Variants in RUNDC3B observed in about 807,000 individuals in gnomAD.
The protein encoded by RUNDC3B is RUN domain containing 3B, also known as RUN domain-containing protein 3B.
Under a neutral mutation model 58.4 loss-of-function variants are expected in RUNDC3B, and 33 were observed. That is an observed-to-expected ratio of 0.56 (90% CI 0.43 to 0.75). The LOEUF (loss-of-function observed/expected upper bound fraction) is 0.75. RUNDC3B is among the 30% of genes least tolerant of loss of function. The probability of loss-of-function intolerance (pLI) is 0.00; values close to 1 mark genes in which losing one functional copy is unlikely to be tolerated. For synonymous variants in RUNDC3B, 193 were observed against 195.2 expected, an observed-to-expected ratio of 0.99 and a Z score of 0.10; for missense variants, 501 against 535.7, an observed-to-expected ratio of 0.94 and a Z score of 0.64.
intron 2 of RUNDC3B, among the ~76,000 whole-genome samples, chr7:87,686,887 A>G (rs1827516381): frequency 6.6e-6 from 1 of 151,294 alleles, no homozygotes. Flanking sequence ...CCAAGGCTGC[A>G]GTGAGCCATG....
chr7:87,650,117 C>G (rs1302137046), intron 1 of RUNDC3B, among the ~76,000 whole-genome samples: 6 of 152,158 alleles, frequency 3.9e-5, no homozygotes, highest in Non-Finnish European at 8.8e-5. Context: ...CAGAAACTCT[C>G]AAAAGCATTT....
At chr7:87,701,207 AAAG>A (rs1363866188) in intron 3 of RUNDC3B, among the ~76,000 whole-genome samples, 1 of 152,230 alleles carries the variant, frequency 6.6e-6, no homozygotes, top group Non-Finnish European at 1.5e-5. Flanking sequence ...ATTTTACTGA[AAAG>A]AAAAACTTAT....
chr7:87,642,315 T>C (rs958329702), intron 1 of RUNDC3B, among the ~76,000 whole-genome samples: 1 of 152,208 alleles, frequency 6.6e-6, no homozygotes, highest in South Asian at 2.1e-4. Flanking sequence ...CCATGAAGAC[T>C]ATATGTTATG....
At chr7:87,679,259 A>AT (rs934031757) in intron 2 of RUNDC3B, among the ~76,000 whole-genome samples, 5 of 148,494 alleles carry the variant, frequency 3.4e-5, no homozygotes, top group African/African-American at 1.3e-4. Context: ...CGCCCGGGTA[A>AT]TTTTTTTGTA....
intron 3 of RUNDC3B, among the ~76,000 whole-genome samples, chr7:87,703,914 G>GT (rs35797972): frequency 1.2e-3 from 50 of 42,988 alleles, no homozygotes; most frequent in African/African-American, 2.7e-3. Context: ...TTTTTTTTTG[G>GT]TTTTTTTTTT....
intron 8 of RUNDC3B, among the ~76,000 whole-genome samples, chr7:87,788,268 G>A (rs915779516): frequency 1.3e-5 from 2 of 152,020 alleles, no homozygotes; most frequent in South Asian, 2.1e-4. Context: ...TACAAAATAC[G>A]AAAAATTAGT....
rs1469651233 is a variant in RUNDC3B, at chr7:87,832,047, T to C, written c.*2017T>C. 1 of 151,958 alleles carries C rather than the reference T, an allele frequency of 6.6e-6. No individual in the cohort carries two copies. The highest frequency in any genetic ancestry group is 1.5e-5 in the Non-Finnish European group (1 of 67,890). 9.4% of individuals were successfully genotyped at this position (151,958 alleles called of 1,614,324 possible). A position where few individuals can be genotyped will look rare whatever the true frequency, so the allele number is the denominator to read the frequency against. On this transcript the variant is annotated 3_prime_UTR_variant, in exon 11 of 11. Coordinates refer to ENST00000394654, the MANE Select transcript of RUNDC3B (RefSeq NM_001134405.2). ...TTTCCTCCTTTCTTGGAGATCTTGGTATAAAATTCATCTGCTGTTATAAAA... is the reference window on the plus strand; with the variant it reads ...TTTCCTCCTTTCTTGGAGATCTTGGCATAAAATTCATCTGCTGTTATAAAA...
chr7:87,757,266 T>C (rs1833425331), intron 6 of RUNDC3B, among the ~76,000 whole-genome samples: 2 of 152,116 alleles, frequency 1.3e-5, no homozygotes, highest in Admixed American at 1.3e-4. Flanking sequence ...TTATGCTTGA[T>C]TTTTACTTTC....
At position 87,743,857 on chromosome 7, in the gene RUNDC3B, T is replaced by C. The variant is rs114069821; in HGVS notation, c.629+2278T>C. Among the ~76,000 whole-genome samples the C allele has an allele frequency of 4.8e-3, 736 of 152,362 alleles. 3 individuals carry two copies. The highest frequency in any genetic ancestry group is 0.017 in the African/African-American group (696 of 41,594). ...TTATCTTTGTTTTTGTTGCATTTGCTTTTGAGTTCATGGTCATGAAATCCT... is the reference window on the plus strand; with the variant it reads ...TTATCTTTGTTTTTGTTGCATTTGCCTTTGAGTTCATGGTCATGAAATCCT... On this transcript the variant is annotated intron_variant, in intron 6 of 10. Transcript: ENST00000394654.
At chr7:87,675,087 G>A (rs773571501) in intron 2 of RUNDC3B, among the ~76,000 whole-genome samples, 2 of 152,208 alleles carry the variant, frequency 1.3e-5, no homozygotes, top group African/African-American at 4.8e-5. Flanking sequence ...TCTGTGGTGA[G>A]AGCGGGCCGC....
At position 87,710,594 on chromosome 7, in the gene RUNDC3B, C is replaced by T; in HGVS notation, c.397C>T (p.Leu133Phe). The T allele has an allele frequency of 1.3e-6, 2 of 1,599,294 alleles. No individual in the cohort carries two copies. Among genetic ancestry groups the T allele is most frequent in the Non-Finnish European group, 1.7e-6 (2 of 1,169,830 alleles). ...AKGRAWIRVA[L>F]MEKHLSEYIS... Reference sequence around the variant, plus strand: ...GGGTAGAGCCTGGATCAGAGTAGCACTCATGGAAAAACATTTATCTGAATA... The same window carrying T: ...GGGTAGAGCCTGGATCAGAGTAGCATTCATGGAAAAACATTTATCTGAATA... The change falls in exon 4 of 11, where the codon CTC (leucine) becomes TTC (phenylalanine). Residue 133 changes from leucine to phenylalanine, a missense_variant. Leu to Phe is a conservative substitution (Grantham distance 22). Transcript: ENST00000394654.
intron 1 of RUNDC3B, among the ~76,000 whole-genome samples, chr7:87,647,218 C>G (rs118038149): frequency 0.031 from 4,751 of 152,302 alleles, 73 homozygotes; most frequent in Middle Eastern, 0.048. Context: ...GACCCAGATG[C>G]TTTCAGAGGT....
At chr7:87,658,714 T>G (rs1824384193) in intron 2 of RUNDC3B, among the ~76,000 whole-genome samples, 1 of 152,066 alleles carries the variant, frequency 6.6e-6, no homozygotes, top group Non-Finnish European at 1.5e-5. Flanking sequence ...CAGGAGGAAG[T>G]GGTAAAACAT....
intron 10 of RUNDC3B, among the ~76,000 whole-genome samples, chr7:87,820,295 G>A (rs924254005): frequency 6.6e-6 from 1 of 152,146 alleles, no homozygotes; most frequent in African/African-American, 2.4e-5. Flanking sequence ...TAGAAGAAAT[G>A]GATAAATTCC....
chr7:87,726,005 G>A (rs1164440044), intron 4 of RUNDC3B, among the ~76,000 whole-genome samples: 2 of 152,162 alleles, frequency 1.3e-5, no homozygotes, highest in Non-Finnish European at 2.9e-5. Context: ...TTTGTCAGAT[G>A]AGTAGATTGC....
intron 2 of RUNDC3B, among the ~76,000 whole-genome samples, chr7:87,662,050 T>C (rs971447775): frequency 2.0e-5 from 3 of 152,168 alleles, no homozygotes; most frequent in African/African-American, 7.2e-5. Context: ...TTATAGGTCT[T>C]CTTTTGAGAA....
chr7:87,789,433 A>G (rs544614417), intron 8 of RUNDC3B, among the ~76,000 whole-genome samples: 2 of 152,314 alleles, frequency 1.3e-5, no homozygotes, highest in African/African-American at 4.8e-5. Flanking sequence ...CTATCAGCCT[A>G]CAAACCATAA....
chr7:87,726,479 G>A (rs1831238769), intron 4 of RUNDC3B, among the ~76,000 whole-genome samples: 1 of 152,168 alleles, frequency 6.6e-6, no homozygotes, highest in Admixed American at 6.5e-5. Context: ...GTACCATGCT[G>A]TTTTGGTTAC....
intron 6 of RUNDC3B, among the ~76,000 whole-genome samples, chr7:87,766,109 T>C (rs1833963364): frequency 6.6e-6 from 1 of 152,170 alleles, no homozygotes; most frequent in African/African-American, 2.4e-5. Context: ...TAAGAATAGC[T>C]ACTCTTGATC....
Sources: gnomAD v4.1 joint callset for allele counts (sites outside exome capture counted in the v4.1 genomes callset) on GRCh38, gnomAD v4.1.1 for gene constraint, MANE v1.5 for transcripts, NCBI Gene and HGNC (gene_info 2026-07-23, HGNC 2026-07-21) for gene names.